Variants in HCRTR2 observed in about 807,000 individuals in gnomAD.
The protein encoded by HCRTR2 is hypocretin receptor 2, also known as orexin receptor type 2.
HCRTR2 carries 22 observed loss-of-function variants against 49.0 expected under a neutral mutation model. The ratio of observed to expected loss-of-function variants is 0.45; its 90% CI spans 0.32 to 0.64. The LOEUF (loss-of-function observed/expected upper bound fraction) is 0.64. Ranked by LOEUF, HCRTR2 falls within the 30% of genes least tolerant of loss-of-function variation. The pLI is 0.04. For synonymous variants in HCRTR2, 236 were observed against 205.3 expected (o/e 1.15, Z -1.28); for missense variants, 491 against 559.4 (o/e 0.88, Z 1.23).
At chr6:55,151,558 C>T (rs1307899631) in intron 1 of HCRTR2, among the ~76,000 whole-genome samples, 1 of 151,946 alleles carries the variant, frequency 6.6e-6, no homozygotes, top group Non-Finnish European at 1.5e-5. Flanking sequence ...ACCACATCTG[C>T]AGTGACATCT....
chr6:55,217,134 G>T (rs2127294246), intron 1 of HCRTR2, among the ~76,000 whole-genome samples: 2 of 152,300 alleles, frequency 1.3e-5, no homozygotes, highest in Middle Eastern at 3.4e-3. Context: ...GCAGCAAGCT[G>T]TGGAGAGTAC....
chr6:55,241,644 C>T (rs1475581527), intron 1 of HCRTR2, among the ~76,000 whole-genome samples: 1 of 151,988 alleles, frequency 6.6e-6, no homozygotes, highest in Non-Finnish European at 1.5e-5. Flanking sequence ...ATATAAAAAT[C>T]ACAGTTGCTG....
chr6:55,203,220 G>A (rs1765541212), intron 1 of HCRTR2, among the ~76,000 whole-genome samples: 1 of 152,114 alleles, frequency 6.6e-6, no homozygotes, highest in Non-Finnish European at 1.5e-5. Flanking sequence ...GATAGAATTT[G>A]TACTTCGTTC....
intron 1 of HCRTR2, among the ~76,000 whole-genome samples, chr6:55,235,284 T>C (rs958170720): frequency 6.6e-6 from 1 of 152,102 alleles, no homozygotes; most frequent in Non-Finnish European, 1.5e-5. Context: ...TGCTGTAATT[T>C]GTCCAGTGAT....
chr6:55,243,312 C>A (rs116680036), intron 1 of HCRTR2, among the ~76,000 whole-genome samples: 31 of 152,272 alleles, frequency 2.0e-4, no homozygotes, highest in African/African-American at 7.5e-4. Flanking sequence ...TAAATACAGA[C>A]TAACCATAAA....
chr6:55,271,570 T>C (rs1227022887), intron 4 of HCRTR2, among the ~76,000 whole-genome samples: 1 of 152,070 alleles, frequency 6.6e-6, no homozygotes, highest in Non-Finnish European at 1.5e-5. Flanking sequence ...TGCTTCAAAC[T>C]GCACCATTAA....
chr6:55,159,266 AAAAAAAC>A (rs1184769173), intron 1 of HCRTR2, among the ~76,000 whole-genome samples: 1 of 113,570 alleles, frequency 8.8e-6, no homozygotes, highest in African/African-American at 3.4e-5. Context: ...CATCAACATC[AAAAAAAC>A]AAAAACAAAA....
At chr6:55,187,757 T>C (rs1765247762) in intron 1 of HCRTR2, among the ~76,000 whole-genome samples, 1 of 141,338 alleles carries the variant, frequency 7.1e-6, no homozygotes, top group East Asian at 2.2e-4. Flanking sequence ...GTTGTCTGAA[T>C]ACCTTTACAT....
intron 1 of HCRTR2, among the ~76,000 whole-genome samples, chr6:55,161,845 C>T (rs565054396): frequency 1.3e-5 from 2 of 152,048 alleles, no homozygotes; most frequent in Non-Finnish European, 2.9e-5. Flanking sequence ...TAATTAATAG[C>T]GTTCCAATGA....
At chr6:55,227,060 T>C (rs551711218) in intron 1 of HCRTR2, among the ~76,000 whole-genome samples, 264 of 152,280 alleles carry the variant, frequency 1.7e-3, no homozygotes, top group African/African-American at 6.1e-3. Flanking sequence ...CAGCATAACA[T>C]AGTAATACAT....
chr6:55,243,660 G>A (rs997661539), intron 1 of HCRTR2, among the ~76,000 whole-genome samples: 5 of 152,042 alleles, frequency 3.3e-5, no homozygotes, highest in Non-Finnish European at 4.4e-5. Context: ...CATAGTTACT[G>A]CAGAATGTAT....
intron 4 of HCRTR2, among the ~76,000 whole-genome samples, chr6:55,275,111 CA>C (rs1435880904): frequency 6.6e-6 from 1 of 152,144 alleles, no homozygotes; most frequent in Non-Finnish European, 1.5e-5. Context: ...GCCTCTTCCT[CA>C]TAACTTTATC....
At chr6:55,200,237 G>T (rs1387074772) in intron 1 of HCRTR2, among the ~76,000 whole-genome samples, 2 of 18,402 alleles carry the variant, frequency 1.1e-4, no homozygotes, top group Non-Finnish European at 2.7e-4. Context: ...TTGCTGTCTT[G>T]TGTGTGTGTG....
At chr6:55,258,991 C>T (rs977206753) in intron 3 of HCRTR2, among the ~76,000 whole-genome samples, 5 of 152,072 alleles carry the variant, frequency 3.3e-5, no homozygotes, top group Non-Finnish European at 7.4e-5. Context: ...GCGGAGGTTG[C>T]AGTGAGCCGA....
chr6:55,150,617 C>G (rs1764652238), intron 1 of HCRTR2, among the ~76,000 whole-genome samples: 1 of 151,930 alleles, frequency 6.6e-6, no homozygotes, highest in African/African-American at 2.4e-5. Flanking sequence ...TGGCTTATTT[C>G]CCTAAGCATA....
intron 1 of HCRTR2, among the ~76,000 whole-genome samples, chr6:55,108,643 T>G (rs1255298653): frequency 6.6e-6 from 1 of 152,006 alleles, no homozygotes; most frequent in Non-Finnish European, 1.5e-5. Flanking sequence ...GGAAGAGCCC[T>G]GTAGGCACTT....
chr6:55,262,480 T>C (rs1389011259), intron 3 of HCRTR2, among the ~76,000 whole-genome samples: 1 of 132,346 alleles, frequency 7.6e-6, no homozygotes, highest in Non-Finnish European at 1.5e-5. Context: ...AAATATATAA[T>C]ATATAACTTA....
chr6:55,162,587 C>A (rs1213369499), intron 1 of HCRTR2, among the ~76,000 whole-genome samples: 1 of 152,158 alleles, frequency 6.6e-6, no homozygotes, highest in Non-Finnish European at 1.5e-5. Context: ...ATTTAGAAAA[C>A]CCCATTGTCT....
intron 1 of HCRTR2, among the ~76,000 whole-genome samples, chr6:55,116,726 A>C (rs567384704): frequency 5.2e-4 from 78 of 151,088 alleles, no homozygotes; most frequent in African/African-American, 1.8e-3. Context: ...AAAAAAAAAA[A>C]AACTCTTATT....
Sources: gnomAD v4.1 joint callset for allele counts (sites outside exome capture counted in the v4.1 genomes callset) on GRCh38, gnomAD v4.1.1 for gene constraint, MANE v1.5 for transcripts, NCBI Gene and HGNC (gene_info 2026-07-23, HGNC 2026-07-21) for gene names.